The following SCHIP1 variants were observed in gnomAD, a reference collection of about 807,000 sequenced individuals.
SCHIP1 encodes the protein schwannomin-interacting protein 1.
A neutral mutation model predicts 29.7 loss-of-function variants in SCHIP1; 8 were observed. That is an observed-to-expected ratio of 0.27 (90% CI 0.16 to 0.49). SCHIP1 has a LOEUF of 0.49. SCHIP1 is among the 20% of genes least tolerant of loss of function. The pLI is 0.99. For synonymous variants in SCHIP1, 76 were observed against 94.9 expected (o/e 0.80, Z 1.16); for missense variants, 193 against 294.6 (o/e 0.66, Z 2.52).
At chr3:159,491,914 C>T in the SCHIP1 span, among the ~76,000 whole-genome samples, 3 of 152,148 alleles carry the variant, frequency 2.0e-5, no homozygotes, top group Non-Finnish European at 2.9e-5. Flanking sequence ...TCCAGAGGAA[C>T]GATCAGGCAG....
At chr3:159,273,275 C>G in the SCHIP1 span, 4 of 985,942 alleles carry the variant, frequency 4.1e-6, no homozygotes, top group Non-Finnish European at 4.8e-6. Context: ...GCCACAGAGC[C>G]TGATTTCTGC....
At chr3:159,507,719 G>A in the SCHIP1 span, among the ~76,000 whole-genome samples, 1 of 152,180 alleles carries the variant, frequency 6.6e-6, no homozygotes. Context: ...CATCTATTGA[G>A]ATAATCATGT....
At chr3:159,564,100 T>C in the SCHIP1 span, among the ~76,000 whole-genome samples, 1 of 152,172 alleles carries the variant, frequency 6.6e-6, no homozygotes, top group African/African-American at 2.4e-5. Context: ...CTTTACTTTC[T>C]TCAACAAATT....
intron 6 of SCHIP1, chr3:159,893,259 A>G (rs1258590502): frequency 6.6e-6 from 1 of 152,230 alleles, no homozygotes; most frequent in East Asian, 1.9e-4. Context: ...TATGTTTTAC[A>G]TATTATATTG....
chr3:159,332,758 T>C, the SCHIP1 span, among the ~76,000 whole-genome samples: 1 of 152,192 alleles, frequency 6.6e-6, no homozygotes, highest in Non-Finnish European at 1.5e-5. Context: ...AGGATATATA[T>C]GAGGGCCTTG....
the SCHIP1 span, among the ~76,000 whole-genome samples, chr3:159,471,092 CTGTG>C: frequency 1.3e-5 from 2 of 152,034 alleles, no homozygotes; most frequent in African/African-American, 4.8e-5. Flanking sequence ...GTAAATTTTA[CTGTG>C]TGTGTATTAT....
At chr3:159,642,468 G>A in the SCHIP1 span, among the ~76,000 whole-genome samples, 5 of 152,024 alleles carry the variant, frequency 3.3e-5, no homozygotes, top group Non-Finnish European at 5.9e-5. Context: ...ACATCCTCCT[G>A]TGGCTTCTCA....
intron 2 of SCHIP1, among the ~76,000 whole-genome samples, chr3:159,883,745 A>G (rs891148285): frequency 3.9e-5 from 6 of 152,196 alleles, no homozygotes; most frequent in African/African-American, 1.4e-4. Context: ...CCCTATAAGA[A>G]GCTCTCTTCA....
chr3:159,739,956 A>C, the SCHIP1 span, among the ~76,000 whole-genome samples: 1 of 152,262 alleles, frequency 6.6e-6, no homozygotes, highest in Non-Finnish European at 1.5e-5. Context: ...AATGTTACTT[A>C]GGCATTAAAG....
chr3:159,628,854 ATTT>A, the SCHIP1 span, among the ~76,000 whole-genome samples: 13 of 152,188 alleles, frequency 8.5e-5, no homozygotes, highest in Admixed American at 6.5e-5. Flanking sequence ...TGTTTTAAAG[ATTT>A]TTTATGTGTA....
the SCHIP1 span, among the ~76,000 whole-genome samples, chr3:159,554,006 GTGTGTGTGTGTGTT>G: frequency 6.4e-4 from 77 of 120,836 alleles, no homozygotes; most frequent in African/African-American, 3.1e-3. Flanking sequence ...GTGTGTGTGT[GTGTGTGTGTGTGTT>G]TGTGTATGTG....
At chr3:159,282,777 T>G in the SCHIP1 span, 1 of 151,966 alleles carries the variant, frequency 6.6e-6, no homozygotes, top group African/African-American at 2.4e-5. Flanking sequence ...AGAATCTGTT[T>G]CTGAACTACC....
At chr3:159,745,220 C>G in the SCHIP1 span, among the ~76,000 whole-genome samples, 1 of 152,202 alleles carries the variant, frequency 6.6e-6, no homozygotes, top group South Asian at 2.1e-4. Context: ...CATTTGGTTC[C>G]TTTGATCTTT....
the SCHIP1 span, among the ~76,000 whole-genome samples, chr3:159,756,754 A>C: frequency 1.3e-5 from 2 of 152,164 alleles, no homozygotes; most frequent in Non-Finnish European, 2.9e-5. Flanking sequence ...TCACCTTTGG[A>C]ATGCTTGGTT....
At chr3:159,310,253 C>T in the SCHIP1 span, among the ~76,000 whole-genome samples, 2 of 152,126 alleles carry the variant, frequency 1.3e-5, no homozygotes, top group African/African-American at 4.8e-5. Flanking sequence ...ATAAAAGAGC[C>T]ACAGTCAAAC....
the SCHIP1 span, among the ~76,000 whole-genome samples, chr3:159,800,785 T>C: frequency 6.6e-6 from 1 of 151,940 alleles, no homozygotes; most frequent in Non-Finnish European, 1.5e-5. Context: ...ATGCCTTTAA[T>C]ACAATCCAGG....
chr3:159,350,933 A>T, the SCHIP1 span, among the ~76,000 whole-genome samples: 1 of 152,170 alleles, frequency 6.6e-6, no homozygotes, highest in South Asian at 2.1e-4. Context: ...TTTCATTTAA[A>T]AAAAACCAAA....
the SCHIP1 span, among the ~76,000 whole-genome samples, chr3:159,602,717 AAAAG>A: frequency 1.1e-4 from 15 of 137,456 alleles, no homozygotes; most frequent in East Asian, 2.0e-4. Flanking sequence ...TCAAAAAAAA[AAAAG>A]AAAGAAACAA....
chr3:159,814,967 G>C, the SCHIP1 span, among the ~76,000 whole-genome samples: 1 of 152,134 alleles, frequency 6.6e-6, no homozygotes, highest in African/African-American at 2.4e-5. Flanking sequence ...ATTGATTTCT[G>C]AGGATTTCTC....
Sources: allele counts gnomAD v4.1 joint callset (sites outside exome capture counted in the v4.1 genomes callset), GRCh38; gene constraint gnomAD v4.1.1; transcripts MANE v1.5; gene names NCBI Gene and HGNC (gene_info 2026-07-23, HGNC 2026-07-21).